OSBPL10: variants seen among roughly 807,000 people sequenced by gnomAD.
OSBPL10 encodes the protein oxysterol binding protein like 10, also known as oxysterol-binding protein-related protein 10.
OSBPL10 carries 49 observed loss-of-function variants against 81.7 expected under a neutral mutation model. The ratio of observed to expected loss-of-function variants is 0.60; its 90% CI spans 0.48 to 0.76. The LOEUF (loss-of-function observed/expected upper bound fraction) is 0.76. OSBPL10 is among the 30% of genes least tolerant of loss of function. The pLI, the probability that OSBPL10 is intolerant of heterozygous loss-of-function variation, is 0.00. For synonymous variants in OSBPL10, 419 were observed against 383.6 expected (o/e 1.09, Z -1.08); for missense variants, 923 against 987.8 (o/e 0.93, Z 0.88).
At chr3:32,003,137 C>A (rs1575083528) in intron 2 of OSBPL10, among the ~76,000 whole-genome samples, 1 of 152,204 alleles carries the variant, frequency 6.6e-6, no homozygotes, top group African/African-American at 2.4e-5. Flanking sequence ...GGAGGAATCA[C>A]AAGTGTCATT....
intron 3 of OSBPL10, among the ~76,000 whole-genome samples, chr3:31,848,368 TAC>T (rs1218848680): frequency 1.3e-5 from 2 of 151,746 alleles, no homozygotes; most frequent in East Asian, 3.9e-4. Flanking sequence ...AATACAGACA[TAC>T]GGCAAGTTCA....
chr3:32,039,123 A>T (rs1437608625), intron 2 of OSBPL10, among the ~76,000 whole-genome samples: 1 of 151,898 alleles, frequency 6.6e-6, no homozygotes, highest in Non-Finnish European at 1.5e-5. Context: ...CAGGAGTTCA[A>T]GACCAGCCTG....
At chr3:31,915,880 G>T (rs1384011274) in intron 1 of OSBPL10, among the ~76,000 whole-genome samples, 1 of 152,042 alleles carries the variant, frequency 6.6e-6, no homozygotes, top group Non-Finnish European at 1.5e-5. Flanking sequence ...GATCACCTGA[G>T]GTCAGGAGTT....
chr3:31,723,173 T>C (rs1696702940), intron 6 of OSBPL10, among the ~76,000 whole-genome samples: 2 of 152,216 alleles, frequency 1.3e-5, no homozygotes, highest in South Asian at 4.1e-4. Context: ...ATGAGGACTG[T>C]CCAGCACAGG....
At chr3:31,774,474 G>C (rs1698489093) in intron 4 of OSBPL10, among the ~76,000 whole-genome samples, 1 of 151,994 alleles carries the variant, frequency 6.6e-6, no homozygotes, top group African/African-American at 2.4e-5. Context: ...GGAGGGAAGA[G>C]ATTGTTGGAA....
rs916627352 is a variant in OSBPL10, at chr3:31,907,632, A to C, written c.282-27802T>G. ...AGACCTCCATCTCAAAAAAAAAAAA[A>C]AAAAAAAAAAAAAAAAAAATTTAAG... is the stretch of plus-strand genomic sequence containing the variant. On this transcript the variant is annotated intron_variant, in intron 1 of 11. Transcript: ENST00000396556. Among the ~76,000 whole-genome samples, 5 of 148,104 alleles carry C rather than the reference A, an allele frequency of 3.4e-5. No homozygotes were observed. In the East Asian group the frequency reaches 7.8e-4, roughly 23 times the overall value.
At position 31,668,817 on chromosome 3, in the gene OSBPL10, C is replaced by G; in HGVS notation, c.1921G>C (p.Ala641Pro). 6.2e-7 allele frequency: 1 copy of G among 1,606,194 alleles called. No homozygotes were observed. The highest frequency in any genetic ancestry group is 8.5e-7 in the Non-Finnish European group (1 of 1,175,138). The part of the protein sequence containing the change: ...FYGGKVHRVT[A>P]EVKHNPTNTI... Reference sequence around the variant, plus strand: ...TTGGTTGGGTTGTGCTTCACTTCTGCGGTAACCCTGAATTAATGAGTCAAA... The same window carrying G: ...TTGGTTGGGTTGTGCTTCACTTCTGGGGTAACCCTGAATTAATGAGTCAAA... Residue 641 changes from alanine to proline, a missense_variant, in exon 10 of 12, where the codon GCA (alanine) becomes CCA (proline). By Grantham distance (27) the Ala-to-Pro change is conservative (BLOSUM62 -1). Around this residue, in one of 3 missense-constraint regions of OSBPL10, gnomAD observed 387 missense variants for 436.3 expected, o/e 0.89. Coordinates refer to ENST00000396556, the MANE Select transcript of OSBPL10 (RefSeq NM_017784.5).
chr3:31,943,445 A>C (rs533158082), intron 1 of OSBPL10, among the ~76,000 whole-genome samples: 1 of 152,318 alleles, frequency 6.6e-6, no homozygotes, highest in African/African-American at 2.4e-5. Flanking sequence ...TTTTAAAAAA[A>C]ACTTGGACTT....
intron 2 of OSBPL10, among the ~76,000 whole-genome samples, chr3:32,011,378 G>T (rs1263881492): frequency 6.6e-6 from 1 of 152,218 alleles, no homozygotes; most frequent in Non-Finnish European, 1.5e-5. Context: ...GCAGCTGAGG[G>T]TCCTGACTGT....
intron 3 of OSBPL10, among the ~76,000 whole-genome samples, chr3:31,838,620 A>AAG (rs1338897495): frequency 4.3e-4 from 65 of 151,970 alleles, no homozygotes; most frequent in African/African-American, 1.6e-3. Context: ...GAGGATTCAC[A>AAG]GCCTCACTTG....
intron 4 of OSBPL10, among the ~76,000 whole-genome samples, chr3:31,788,609 C>T (rs1698920853): frequency 6.6e-6 from 1 of 152,038 alleles, no homozygotes; most frequent in African/African-American, 2.4e-5. Flanking sequence ...AAAGAAAAAA[C>T]TCCCATTTAA....
At chr3:32,051,093 T>C (rs1215731036) in intron 1 of OSBPL10, among the ~76,000 whole-genome samples, 4 of 152,236 alleles carry the variant, frequency 2.6e-5, no homozygotes, top group Non-Finnish European at 4.4e-5. Context: ...GAAAAGAGGC[T>C]TTATTTTCTT....
intron 3 of OSBPL10, among the ~76,000 whole-genome samples, chr3:31,835,192 C>T (rs181520948): frequency 3.9e-5 from 6 of 151,920 alleles, no homozygotes; most frequent in African/African-American, 7.2e-5. Context: ...CCACTTGCTT[C>T]GGAGAAAAAA....
chr3:31,773,511 T>C (rs1454957648), intron 4 of OSBPL10, among the ~76,000 whole-genome samples: 2 of 152,254 alleles, frequency 1.3e-5, no homozygotes, highest in African/African-American at 4.8e-5. Context: ...AAGTGTTACA[T>C]GTTTGTGCCT....
At chr3:31,909,259 G>A (rs536538634) in intron 1 of OSBPL10, among the ~76,000 whole-genome samples, 15 of 152,170 alleles carry the variant, frequency 9.9e-5, no homozygotes, top group Non-Finnish European at 1.9e-4. Flanking sequence ...TAAGGCCATC[G>A]GTAATTTTAT....
intron 7 of OSBPL10, among the ~76,000 whole-genome samples, chr3:31,700,621 C>A (rs1332576556): frequency 2.0e-5 from 3 of 152,174 alleles, no homozygotes; most frequent in Non-Finnish European, 2.9e-5. Context: ...GGTGGCCTGA[C>A]CTCCACTAAA....
chr3:31,756,736 T>C (rs779482073), intron 4 of OSBPL10, among the ~76,000 whole-genome samples: 1 of 152,220 alleles, frequency 6.6e-6, no homozygotes, highest in African/African-American at 2.4e-5. Context: ...GATGGGGACA[T>C]GGAAATTCAA....
intron 3 of OSBPL10, among the ~76,000 whole-genome samples, chr3:31,863,376 T>C (rs1559496586): frequency 6.6e-6 from 1 of 152,188 alleles, no homozygotes; most frequent in Non-Finnish European, 1.5e-5. Context: ...TGTACAATTT[T>C]GAAAACATAC....
At chr3:32,026,076 TAGATAGATAGATAGATGATA>T (rs1481387834) in intron 2 of OSBPL10, among the ~76,000 whole-genome samples, 1 of 105,662 alleles carries the variant, frequency 9.5e-6, no homozygotes, top group Non-Finnish European at 2.1e-5. Flanking sequence ...GATAGATAGA[TAGATAGATAGATAGATGATA>T]GATAGATAGA....
Sources: gnomAD v4.1 joint callset for allele counts (sites outside exome capture counted in the v4.1 genomes callset) on GRCh38, gnomAD v4.1.1 for gene constraint, gnomAD v4.1.1 regional missense constraint, MANE v1.5 for transcripts, NCBI Gene and HGNC (gene_info 2026-07-23, HGNC 2026-07-21) for gene names.